SMARCE1: variants seen among roughly 807,000 people sequenced by gnomAD.
The protein encoded by SMARCE1 is SWI/SNF related BAF chromatin remodeling complex subunit E1.
In SMARCE1, 13 loss-of-function variants were observed where a neutral mutation model predicts 54.9. The observed-to-expected ratio is 0.24, with a 90% CI of 0.15 to 0.38. The LOEUF (loss-of-function observed/expected upper bound fraction) is 0.38. Among genes scored for constraint, SMARCE1 ranks in the 10% least tolerant of loss-of-function variants. SMARCE1 has a pLI of 1.00. For missense variants in SMARCE1, 295 were observed against 523.8 expected, an observed-to-expected ratio of 0.56 and a Z score of 4.26; for synonymous variants, 151 against 175.3, an observed-to-expected ratio of 0.86 and a Z score of 1.10.
chr17:40,628,702 A>C lies in SMARCE1; in HGVS notation c.*83T>G. 1 of 1,156,582 alleles carries C rather than the reference A, an allele frequency of 8.6e-7. No homozygotes were observed. Among genetic ancestry groups the C allele is most frequent in the South Asian group, 1.4e-5 (1 of 74,022 alleles). 71.6% of individuals were successfully genotyped at this position (1,156,582 alleles called of 1,614,324 possible). ...GATATGGACAAGAAAAAAAATTAAT[A>C]CACAAACCACGTAACACCATTAAAA... On this transcript the variant is annotated 3_prime_UTR_variant, in exon 11 of 11. Transcript: ENST00000348513.
At chr17:40,635,619 G>A in intron 7 of SMARCE1, 1 of 190,672 alleles carries the variant, frequency 5.2e-6, no homozygotes, top group Non-Finnish European at 1.1e-5. Context: ...TAATTAGAAT[G>A]CATTTAGCTT....
chr17:40,635,392 A>C (rs972312889), intron 7 of SMARCE1: 6 of 152,060 alleles, frequency 3.9e-5, no homozygotes, highest in African/African-American at 1.4e-4. Flanking sequence ...ACAGAATGGC[A>C]ATTAGGAAGC....
intron 4 of SMARCE1, among the ~76,000 whole-genome samples, chr17:40,638,559 G>C (rs1268710476): frequency 1.3e-5 from 2 of 152,072 alleles, no homozygotes; most frequent in Admixed American, 6.6e-5. Context: ...GCCTCTGGTA[G>C]ACCACCCAGA....
Position 40,642,305 on chromosome 17 carries a change from TG to T in SMARCE1, c.156+149del, listed in dbSNP as rs1379499195. Reference sequence around the variant, plus strand: ...CACTATTTATTTTTTCAGTGTGAGATGCTACAACGAATGTTGAAAATACTCA... The same window carrying T: ...CACTATTTATTTTTTCAGTGTGAGATCTACAACGAATGTTGAAAATACTCA... On this transcript the variant is annotated intron_variant, in intron 4 of 10. Coordinates refer to ENST00000348513, the MANE Select transcript of SMARCE1 (RefSeq NM_003079.5). The surrounding 1 kb of genome is among the most constrained non-coding windows in gnomAD (Gnocchi z 4.6). 1 of 698,646 alleles carries T rather than the reference TG, an allele frequency of 1.4e-6. No homozygotes were observed. Among genetic ancestry groups the T allele is most frequent in the African/African-American group, 1.8e-5 (1 of 56,208 alleles). The allele number at this position is 698,646 out of a possible 1,614,324, so 43.3% of individuals were successfully genotyped here.
chr17:40,641,666 C>A (rs2037201150), intron 4 of SMARCE1: 1 of 152,100 alleles, frequency 6.6e-6, no homozygotes, highest in South Asian at 2.1e-4. Context: ...TTTAGTAAGT[C>A]ATTTTTATAA....
chr17:40,638,407 A>C (rs2037165491), intron 4 of SMARCE1, among the ~76,000 whole-genome samples: 1 of 152,176 alleles, frequency 6.6e-6, no homozygotes, highest in Non-Finnish European at 1.5e-5. Flanking sequence ...ACAGAAGAAA[A>C]GGAGGCGGAG....
At chr17:40,629,088 C>G in intron 10 of SMARCE1, 95 bp from the exon 11 acceptor site, 1 of 992,294 alleles carries the variant, frequency 1.0e-6, no homozygotes, top group Non-Finnish European at 1.6e-6. Context: ...ATAGAAGCCA[C>G]TAGCCACATG....
chr17:40,644,321 A>C (rs2037229899), intron 3 of SMARCE1: 1 of 152,118 alleles, frequency 6.6e-6, no homozygotes, highest in Non-Finnish European at 1.5e-5. Flanking sequence ...TTATGAGGCA[A>C]TAATGTTATA....
chr17:40,645,922 T>C, intron 1 of SMARCE1, 75 bp from the exon 2 acceptor site: 2 of 457,504 alleles, frequency 4.4e-6, no homozygotes, highest in Non-Finnish European at 7.6e-6. Context: ...TCCTAATGAA[T>C]AGGGTAATTT....
chr17:40,646,312 A>G (rs1418092679), intron 1 of SMARCE1, among the ~76,000 whole-genome samples: 1 of 152,240 alleles, frequency 6.6e-6, no homozygotes, highest in Admixed American at 6.5e-5. Flanking sequence ...GAAGCAGTGC[A>G]AAAGGTAATT....
rs548803794 is a variant in SMARCE1, at chr17:40,625,230, C to A, written c.*3555G>T. ...TATCATTACAAATACATTTAGACAT[C>A]GTTTTCTGCTAAACTCAGTATTTTC... On this transcript the variant is annotated 3_prime_UTR_variant, in exon 11 of 11. Coordinates refer to ENST00000348513, the MANE Select transcript of SMARCE1 (RefSeq NM_003079.5). 13 of 152,312 alleles carry A rather than the reference C, an allele frequency of 8.5e-5. No individual in the cohort carries two copies. The South Asian group carries it at 2.3e-3, about 27-fold the overall frequency. 9.4% of individuals were successfully genotyped at this position (152,312 alleles called of 1,614,324 possible).
At position 40,642,406 on chromosome 17, in the gene SMARCE1, TG is replaced by T; in HGVS notation, c.156+48del. On this transcript the variant is annotated intron_variant, in intron 4 of 10. Transcript: ENST00000348513. This position sits in a 1 kb window ranked among gnomAD's most constrained non-coding sequence, Gnocchi z 4.6. ...AAAGACCTAATTCTGAAGGCATTTC[TG>T]GTCAATTCCAGTTGTTTGCCGGATG... is the stretch of plus-strand genomic sequence containing the variant. 1 of 1,158,662 alleles carries T rather than the reference TG, an allele frequency of 8.6e-7. No homozygotes were observed. The highest frequency in any genetic ancestry group is 1.3e-6 in the Non-Finnish European group (1 of 764,022). The allele number at this position is 1,158,662 out of a possible 1,614,324, so 71.8% of individuals were successfully genotyped here. A position where few individuals can be genotyped will look rare whatever the true frequency, so the allele number is the denominator to read the frequency against.
In SMARCE1 at chr17:40,636,032, C is replaced by T. The variant is rs779169160; in HGVS notation, c.440G>A (p.Ser147Asn). The change falls in exon 7 of 11, where the codon AGT becomes AAT. Residue 147 changes from serine (S) to asparagine (N), a missense_variant. Ser to Asn is a conservative substitution (Grantham distance 46). Coordinates refer to ENST00000348513, the MANE Select transcript of SMARCE1 (RefSeq NM_003079.5). ...PAYLAYINAK[S>N]RAEAALEEES... ...TTCCTCTAAAGCAGCTTCTGCACGA[C>T]TTTTTGCATTTATGTAAGCAAGGTA... 1.9e-6 allele frequency: 3 copies of T among 1,613,798 alleles called. No homozygotes were observed. The highest frequency in any genetic ancestry group is 1.3e-5 in the African/African-American group (1 of 75,032).
At chr17:40,629,464 G>T in intron 10 of SMARCE1, 3 of 1,015,760 alleles carry the variant, frequency 3.0e-6, no homozygotes, top group Non-Finnish European at 3.8e-6. Flanking sequence ...CAGTGAATGA[G>T]AGTTAGTCTG....
intron 10 of SMARCE1, chr17:40,630,064 A>G: frequency 2.1e-6 from 1 of 476,818 alleles, no homozygotes; most frequent in Non-Finnish European, 3.7e-6. Flanking sequence ...AACTACTTTT[A>G]GCTTAGTCCT....
At chr17:40,632,125 G>A (rs1378661034) in intron 8 of SMARCE1, 70 bp downstream of exon 8, 19 of 1,213,576 alleles carry the variant, frequency 1.6e-5, no homozygotes, top group Admixed American at 7.7e-5. Context: ...TAGGCATGGT[G>A]TAGGAATCAT....
At chr17:40,630,187 GTTA>G (rs766238340) in intron 10 of SMARCE1, 21 of 1,148,646 alleles carry the variant, frequency 1.8e-5, no homozygotes, top group South Asian at 2.8e-5. Flanking sequence ...ATTTATACAA[GTTA>G]TTATTATTAT....
chr17:40,644,944 T>C (rs1470600142), intron 3 of SMARCE1: 3 of 152,220 alleles, frequency 2.0e-5, no homozygotes, highest in Non-Finnish European at 2.9e-5. Context: ...GTTGGAAAAT[T>C]ATTTTACATG....
chr17:40,645,593 T>A lies in SMARCE1; in HGVS notation c.34A>T (p.Thr12Ser). The A allele has an allele frequency of 6.4e-7, 1 of 1,565,324 alleles. No homozygotes were observed. Among genetic ancestry groups the A allele is most frequent in the Non-Finnish European group, 8.6e-7 (1 of 1,164,802 alleles). The stretch of plus-strand genomic sequence containing the variant: ...AAACTTACTGTTGCAGGAGCTGGGG[T>A]GGGAGGTGGGGCATAAGATGGTCTT... ...SKRPSYAPPP[T>S]PAPATQMPST... Residue 12 changes from threonine (T) to serine (S), a missense_variant, in exon 3 of 11, where the codon ACC becomes TCC. Thr to Ser is a moderately conservative substitution (Grantham distance 58). This residue lies in a region of SMARCE1 where 30 missense variants were observed against 91.3 expected (regional missense o/e 0.33). Coordinates refer to ENST00000348513, the MANE Select transcript of SMARCE1 (RefSeq NM_003079.5).
Sources: gnomAD v4.1 joint callset for allele counts (sites outside exome capture counted in the v4.1 genomes callset) on GRCh38, gnomAD v4.1.1 for gene constraint, gnomAD v4.1.1 regional missense constraint, Gnocchi (gnomAD v3.1) non-coding constraint, MANE v1.5 for transcripts, NCBI Gene and HGNC (gene_info 2026-07-23, HGNC 2026-07-21) for gene names.